Variants in SRPK2 observed in about 807,000 individuals in gnomAD.
SRPK2 encodes SFRS protein kinase 2.
Under a neutral mutation model 90.8 loss-of-function variants are expected in SRPK2, and 21 were observed. The ratio of observed to expected loss-of-function variants is 0.23; its 90% confidence interval spans 0.16 to 0.33. The LOEUF is 0.33. Among genes scored for constraint, SRPK2 ranks in the 10% least tolerant of loss-of-function variants. The probability of loss-of-function intolerance (pLI) is 1.00; values close to 1 mark genes in which losing one functional copy is unlikely to be tolerated. For synonymous variants in SRPK2, 288 were observed against 311.1 expected (o/e 0.93, Z 0.78); for missense variants, 620 against 869.0 (o/e 0.71, Z 3.60).
intron 2 of SRPK2, among the ~76,000 whole-genome samples, chr7:105,257,491 A>C (rs1803493767): frequency 6.6e-6 from 1 of 152,208 alleles, no homozygotes. Flanking sequence ...CACTGAATCA[A>C]ATACTGAGGA....
intron 2 of SRPK2, among the ~76,000 whole-genome samples, chr7:105,282,681 C>CG (rs1399565539): frequency 1.3e-5 from 2 of 151,962 alleles, no homozygotes; most frequent in Non-Finnish European, 2.9e-5. Flanking sequence ...CCCAGCTACT[C>CG]GGGGGACTGA....
chr7:105,236,044 CAG>C (rs1247853548), intron 2 of SRPK2, among the ~76,000 whole-genome samples: 1 of 152,174 alleles, frequency 6.6e-6, no homozygotes, highest in Non-Finnish European at 1.5e-5. Context: ...AGGTATATGT[CAG>C]AGTCTCCTCA....
intron 2 of SRPK2, among the ~76,000 whole-genome samples, chr7:105,341,638 T>C (rs1815805081): frequency 6.6e-6 from 1 of 152,018 alleles, no homozygotes; most frequent in Non-Finnish European, 1.5e-5. Flanking sequence ...CATCACTGCA[T>C]TCCAGTCTAG....
intron 2 of SRPK2, among the ~76,000 whole-genome samples, chr7:105,287,266 AAAAAAAAAAAAAAAAAAAG>A (rs893704596): frequency 1.7e-5 from 2 of 119,672 alleles, no homozygotes; most frequent in Admixed American, 9.1e-5. Context: ...GTCTAAAAAA[AAAAAAAAAAAAAAAAAAAG>A]AAGAAAAGGA....
intron 2 of SRPK2, chr7:105,298,732 C>T (rs1194254179): frequency 1.0e-6 from 1 of 985,424 alleles, no homozygotes; most frequent in Non-Finnish European, 1.2e-6. Context: ...TCAGCTGATG[C>T]CTCACGTTAG....
At chr7:105,380,861 C>T in intron 2 of SRPK2, among the ~76,000 whole-genome samples, 1 of 149,834 alleles carries the variant, frequency 6.7e-6, no homozygotes, top group Non-Finnish European at 1.5e-5. Flanking sequence ...AGTGGAGCCA[C>T]AGCTGACACT....
chr7:105,247,596 A>G (rs1443592257), intron 2 of SRPK2, among the ~76,000 whole-genome samples: 1 of 150,924 alleles, frequency 6.6e-6, no homozygotes, highest in Admixed American at 6.6e-5. Context: ...TTAATTGTTC[A>G]AAGTTTTTAA....
chr7:105,310,159 T>C (rs978876685), intron 2 of SRPK2, among the ~76,000 whole-genome samples: 6 of 152,090 alleles, frequency 3.9e-5, no homozygotes, highest in African/African-American at 1.4e-4. Context: ...GAGATGAGCC[T>C]GGGAGGAATA....
intron 2 of SRPK2, among the ~76,000 whole-genome samples, chr7:105,216,315 C>T (rs1265479414): frequency 6.6e-6 from 1 of 152,050 alleles, no homozygotes; most frequent in East Asian, 1.9e-4. Context: ...ACACAGACAT[C>T]CTAAGCACTG....
chr7:105,253,700 A>G (rs1440629469), intron 2 of SRPK2, among the ~76,000 whole-genome samples: 2 of 152,218 alleles, frequency 1.3e-5, no homozygotes, highest in Non-Finnish European at 2.9e-5. Context: ...CAAATTCCAG[A>G]AAGAAAAATG....
intron 2 of SRPK2, among the ~76,000 whole-genome samples, chr7:105,267,659 T>C (rs1293841597): frequency 2.0e-5 from 3 of 152,034 alleles, no homozygotes; most frequent in African/African-American, 7.2e-5. Context: ...CTTTTTCCCC[T>C]GATTATACTA....
At chr7:105,309,659 T>C (rs1371173214) in intron 2 of SRPK2, among the ~76,000 whole-genome samples, 2 of 152,138 alleles carry the variant, frequency 1.3e-5, no homozygotes, top group African/African-American at 4.8e-5. Context: ...AGTGGCCAAA[T>C]AGTCACATTT....
intron 7 of SRPK2, among the ~76,000 whole-genome samples, chr7:105,151,437 A>G (rs552164500): frequency 6.6e-6 from 1 of 152,350 alleles, no homozygotes; most frequent in East Asian, 1.9e-4. Flanking sequence ...TCACAAAAAC[A>G]AAGTCTAGCA....
chr7:105,304,244 T>A (rs190547393), intron 2 of SRPK2: 41 of 152,202 alleles, frequency 2.7e-4, no homozygotes, highest in African/African-American at 9.9e-4. Flanking sequence ...AGTCCATGAG[T>A]CAAAAACAAT....
At chr7:105,261,909 C>T (rs1004106411) in intron 2 of SRPK2, among the ~76,000 whole-genome samples, 1 of 152,074 alleles carries the variant, frequency 6.6e-6, no homozygotes, top group African/African-American at 2.4e-5. Context: ...AGGATGGGAA[C>T]AGCAAAACAG....
Position 105,258,432 on chromosome 7 carries a change from A to AG in SRPK2, c.72-54648_72-54647insC, listed in dbSNP as rs1554484308. Among the ~76,000 whole-genome samples the AG allele has an allele frequency of 3.3e-3, 482 of 146,780 alleles. 1 individual carries two copies. The highest frequency in any genetic ancestry group is 7.6e-3 in the African/African-American group (307 of 40,432). On this transcript the variant is annotated intron_variant, in intron 2 of 15. Transcript: ENST00000393651. ...AACTCGGTCTCAAAAAAAAAAAAAA[A>AG]AAAGAAAGAAAAAAAGCACAGTGTG... is the stretch of plus-strand genomic sequence containing the variant.
At chr7:105,379,147 C>CT in intron 2 of SRPK2, among the ~76,000 whole-genome samples, 1 of 150,332 alleles carries the variant, frequency 6.7e-6, no homozygotes, top group African/African-American at 2.5e-5. Context: ...GACCCAGTCT[C>CT]TAAAAAAAAA....
At chr7:105,379,239 T>C (rs1005502570) in intron 2 of SRPK2, among the ~76,000 whole-genome samples, 6 of 151,136 alleles carry the variant, frequency 4.0e-5, no homozygotes, top group African/African-American at 1.5e-4. Context: ...TCAAAAACAA[T>C]CAAAAGTAAA....
chr7:105,206,862 C>T (rs1021957381), intron 2 of SRPK2, among the ~76,000 whole-genome samples: 1 of 152,180 alleles, frequency 6.6e-6, no homozygotes, highest in Non-Finnish European at 1.5e-5. Context: ...TCAGATCCAA[C>T]CTGTACTGAG....
Sources: allele counts gnomAD v4.1 joint callset (sites outside exome capture counted in the v4.1 genomes callset), GRCh38; gene constraint gnomAD v4.1.1; transcripts MANE v1.5; gene names NCBI Gene and HGNC (gene_info 2026-07-23, HGNC 2026-07-21).